RBFOX3: variants seen among roughly 807,000 people sequenced by gnomAD.
RBFOX3 encodes the protein RNA binding protein fox-1 homolog 3.
In RBFOX3, 17 loss-of-function variants were observed where a neutral mutation model predicts 48.7. The ratio of observed to expected loss-of-function variants is 0.35; its 90% CI spans 0.24 to 0.52. The LOEUF (loss-of-function observed/expected upper bound fraction) is 0.52. RBFOX3 is among the 20% of genes least tolerant of loss of function. The pLI, the probability that RBFOX3 is intolerant of heterozygous loss-of-function variation, is 0.94. For synonymous variants in RBFOX3, 212 were observed against 209.5 expected (o/e 1.01, Z -0.10); for missense variants, 382 against 497.5 (o/e 0.77, Z 2.21).
In RBFOX3 at chr17:79,299,086, C is replaced by A. The variant is rs974394867; in HGVS notation, c.-74+8638G>T. 6.7e-6 allele frequency among the ~76,000 whole-genome samples: 1 copy of A among 150,178 alleles called. No homozygotes were observed. The highest frequency in any genetic ancestry group is 2.5e-5 in the African/African-American group (1 of 40,672). The stretch of plus-strand genomic sequence containing the variant: ...CCCTGGCAGCAGATGCGGCTGGCCT[C>A]GGAAATACGGGAGGGACATGGGAAA... On this transcript the variant is annotated intron_variant, in intron 3 of 14. Transcript: ENST00000693108. The surrounding 1 kb of genome is among the most constrained non-coding windows in gnomAD (Gnocchi z 4.5).
At chr17:79,345,251 CAT>C (rs1233714294) in intron 2 of RBFOX3, among the ~76,000 whole-genome samples, 1 of 152,186 alleles carries the variant, frequency 6.6e-6, no homozygotes, top group Non-Finnish European at 1.5e-5. Flanking sequence ...CATTTACGTG[CAT>C]AGAGTTGCCT....
intron 1 of RBFOX3, among the ~76,000 whole-genome samples, chr17:79,595,964 C>T (rs1326226540): frequency 2.0e-5 from 3 of 152,322 alleles, no homozygotes; most frequent in Admixed American, 1.3e-4. Flanking sequence ...CATTACGCTC[C>T]GAAGGATGCA....
At position 79,471,778 on chromosome 17, in the gene RBFOX3, C is replaced by T. The variant is rs2077092303; in HGVS notation, c.-175+10676G>A. Among the ~76,000 whole-genome samples the T allele has an allele frequency of 2.0e-5, 3 of 152,186 alleles. No homozygotes were observed. The South Asian group carries it at 6.2e-4, about 32-fold the overall frequency. On this transcript the variant is annotated intron_variant, in intron 2 of 14. Transcript: ENST00000693108. The surrounding 1 kb of genome is among the most constrained non-coding windows in gnomAD (Gnocchi z 4.0). ...GGGTGGACGCAGGCAGGTTAGCTAT[C>T]CCAGCCCTATGCATCACTCCTGCAT... is the stretch of plus-strand genomic sequence containing the variant.
At chr17:79,614,358 G>C (rs1328316728), upstream of RBFOX3, among the ~76,000 whole-genome samples, 3 of 152,208 alleles carry the variant, frequency 2.0e-5, no homozygotes, top group East Asian at 3.9e-4. Context: ...CTGGCAGGAG[G>C]CCGGAAGAAT....
chr17:79,587,549 C>T (rs921595082), intron 1 of RBFOX3, among the ~76,000 whole-genome samples: 2 of 152,194 alleles, frequency 1.3e-5, no homozygotes, highest in African/African-American at 2.4e-5. Flanking sequence ...CAGGGAACAC[C>T]GGCATCGTCT....
At chr17:79,459,492 G>A (rs1482921642) in intron 2 of RBFOX3, among the ~76,000 whole-genome samples, 3 of 152,270 alleles carry the variant, frequency 2.0e-5, no homozygotes, top group Admixed American at 6.5e-5. Flanking sequence ...CGTCCTGCCC[G>A]GCAGAGGAAG....
intron 4 of RBFOX3, among the ~76,000 whole-genome samples, chr17:79,209,473 C>G (rs974744196): frequency 6.6e-6 from 1 of 152,310 alleles, no homozygotes; most frequent in African/African-American, 2.4e-5. Context: ...CACCATGGAA[C>G]AAAATGTGGC....
At chr17:79,315,174 G>A (rs1386070049) in intron 2 of RBFOX3, among the ~76,000 whole-genome samples, 2 of 152,174 alleles carry the variant, frequency 1.3e-5, no homozygotes, top group East Asian at 1.9e-4. Context: ...TGACGACCAA[G>A]TAAATGGATG....
intron 14 of RBFOX3, among the ~76,000 whole-genome samples, chr17:79,093,102 G>C (rs2074299636): frequency 6.6e-6 from 1 of 152,358 alleles, no homozygotes; most frequent in South Asian, 2.1e-4. Flanking sequence ...GCTGGGAGAG[G>C]CAAGCCTGCT....
intron 1 of RBFOX3, among the ~76,000 whole-genome samples, chr17:79,564,767 C>T (rs2092390042): frequency 6.6e-6 from 1 of 152,110 alleles, no homozygotes; most frequent in South Asian, 2.1e-4. Flanking sequence ...GTGGTAGAAG[C>T]TCGGTGGCTC....
chr17:79,565,013 C>A (rs1425956049), intron 1 of RBFOX3, among the ~76,000 whole-genome samples: 1 of 135,954 alleles, frequency 7.4e-6, no homozygotes, highest in Non-Finnish European at 1.5e-5. Flanking sequence ...GCTCTCCAGC[C>A]TGGGCAACAG....
At chr17:79,272,491 C>T (rs968257597) in intron 3 of RBFOX3, among the ~76,000 whole-genome samples, 1 of 152,200 alleles carries the variant, frequency 6.6e-6, no homozygotes, top group Non-Finnish European at 1.5e-5. Context: ...CAGTGTTACA[C>T]AGGCTGCCGG....
upstream of RBFOX3, among the ~76,000 whole-genome samples, chr17:79,614,736 A>C (rs1259400381): frequency 1.3e-5 from 2 of 152,338 alleles, no homozygotes; most frequent in East Asian, 3.9e-4. Context: ...AGTTAAAAGC[A>C]TGAGAGCAGA....
At chr17:79,387,752 A>G (rs2060757527) in intron 2 of RBFOX3, among the ~76,000 whole-genome samples, 1 of 152,252 alleles carries the variant, frequency 6.6e-6, no homozygotes. Flanking sequence ...CTGAAAACCC[A>G]TAACCACACT....
chr17:79,438,675 G>A (rs939338650), intron 2 of RBFOX3, among the ~76,000 whole-genome samples: 23 of 152,238 alleles, frequency 1.5e-4, no homozygotes, highest in African/African-American at 4.1e-4. Context: ...CTCCCCAGGG[G>A]CCAGCAGGGG....
chr17:79,619,948 T>C, the RBFOX3 span, among the ~76,000 whole-genome samples: 2 of 152,168 alleles, frequency 1.3e-5, no homozygotes, highest in Non-Finnish European at 2.9e-5. Flanking sequence ...CGTGGCTGCT[T>C]CCCGCACCCT....
intron 4 of RBFOX3, among the ~76,000 whole-genome samples, chr17:79,146,236 C>T (rs552053817): frequency 2.4e-3 from 359 of 152,292 alleles, no homozygotes; most frequent in African/African-American, 7.8e-3. Flanking sequence ...GTTGTCACAA[C>T]GTGGGGTGTC....
chr17:79,600,591 C>CG (rs2093683628), intron 1 of RBFOX3: 1 of 152,186 alleles, frequency 6.6e-6, no homozygotes, highest in Non-Finnish European at 1.5e-5. Flanking sequence ...AGGAGACCCC[C>CG]GGGGTCTTCA....
chr17:79,489,240 T>TAAAAAAAAAAAAAAAAAAAAAAAAAAA (rs71161671), intron 1 of RBFOX3, among the ~76,000 whole-genome samples: 1 of 126,510 alleles, frequency 7.9e-6, no homozygotes, highest in Non-Finnish European at 1.6e-5. Context: ...GCCAGAAAGT[T>TAAAAAAAAAAAAAAAAAAAAAAAAAAA]AAAAAAAAAA....
Sources: gnomAD v4.1 joint callset for allele counts (sites outside exome capture counted in the v4.1 genomes callset) on GRCh38, gnomAD v4.1.1 for gene constraint, Gnocchi (gnomAD v3.1) non-coding constraint, MANE v1.5 for transcripts, NCBI Gene and HGNC (gene_info 2026-07-23, HGNC 2026-07-21) for gene names.